Variants in PIK3R5 observed in about 807,000 individuals in gnomAD.
PIK3R5 encodes phosphoinositide 3-kinase regulatory subunit 5.
PIK3R5 carries 32 observed loss-of-function variants against 94.9 expected under a neutral mutation model. The ratio of observed to expected loss-of-function variants is 0.34; its 90% CI spans 0.25 to 0.45. The LOEUF is 0.45. PIK3R5 is among the 20% of genes least tolerant of loss of function. PIK3R5 has a pLI of 1.00. For synonymous variants in PIK3R5, 443 were observed against 479.4 expected (o/e 0.92, Z 0.99); for missense variants, 853 against 1,144.6 (o/e 0.75, Z 3.68).
intron 1 of PIK3R5, among the ~76,000 whole-genome samples, chr17:8,944,927 G>A (rs537204440): frequency 5.9e-5 from 9 of 152,292 alleles, no homozygotes; most frequent in Admixed American, 2.6e-4. Flanking sequence ...TGTTAGTTCC[G>A]CAATTTCCTG....
intron 1 of PIK3R5, among the ~76,000 whole-genome samples, chr17:8,924,527 C>A (rs2090829325): frequency 6.6e-6 from 1 of 152,156 alleles, no homozygotes; most frequent in Non-Finnish European, 1.5e-5. Context: ...TTGGGGTAGA[C>A]TGGTCCAATC....
intron 5 of PIK3R5, among the ~76,000 whole-genome samples, chr17:8,902,616 G>C (rs1437471321): frequency 6.6e-6 from 1 of 151,966 alleles, no homozygotes; most frequent in African/African-American, 2.4e-5. Context: ...CTCAAAGTGG[G>C]CTTGCCATAT....
chr17:8,931,004 C>T (rs919755062), intron 1 of PIK3R5, among the ~76,000 whole-genome samples: 1 of 152,104 alleles, frequency 6.6e-6, no homozygotes, highest in African/African-American at 2.4e-5. Context: ...ATTTGTTTTG[C>T]AAGATGTTAC....
chr17:8,938,346 A>G (rs563761250), intron 1 of PIK3R5, among the ~76,000 whole-genome samples: 31 of 152,312 alleles, frequency 2.0e-4, no homozygotes, highest in African/African-American at 7.5e-4. Context: ...TTCAATGTCC[A>G]TAGGTTTGGC....
rs2090026518 is a variant in PIK3R5, at chr17:8,891,622, G to A, written c.483-710C>T. 2.0e-5 allele frequency among the ~76,000 whole-genome samples: 3 copies of A among 148,200 alleles called. No homozygotes were observed. The South Asian group carries it at 6.4e-4, about 31-fold the overall frequency. On this transcript the variant is annotated intron_variant, in intron 6 of 18. Transcript: ENST00000447110. ...CTTTTTTTTTTTTTTTTGAGACGGA[G>A]TCTTGTTCTTGTCACCCAGGCTGGA...
Position 8,890,935 on chromosome 17 carries a change from A to G in PIK3R5, c.483-23T>C, listed in dbSNP as rs2090008939. ...GTGCTGGGGACACAGGGGACCGGCT[A>G]TGGCACCCAGGGGTGCGCAGCATGC... is the stretch of plus-strand genomic sequence containing the variant. On this transcript the variant is annotated intron_variant, in intron 6 of 18. Coordinates refer to ENST00000447110, the MANE Select transcript of PIK3R5 (RefSeq NM_001142633.3). This position sits in a 1 kb window ranked among gnomAD's most constrained non-coding sequence, Gnocchi z 6.1. 6.2e-7 allele frequency: 1 copy of G among 1,610,016 alleles called. No individual in the cohort carries two copies. Among genetic ancestry groups the G allele is most frequent in the Non-Finnish European group, 8.5e-7 (1 of 1,178,934 alleles).
At position 8,925,002 on chromosome 17, in the gene PIK3R5, T is replaced by C. The variant is rs1284650558; in HGVS notation, c.-13-13495A>G. On this transcript the variant is annotated intron_variant, in intron 1 of 18. Coordinates refer to ENST00000447110, the MANE Select transcript of PIK3R5 (RefSeq NM_001142633.3). This position sits in a 1 kb window ranked among gnomAD's most constrained non-coding sequence, Gnocchi z 5.1. ...CTTCTCACCAAATATACCAGATAGATAGTTAGATAGTAGATGGATAGATAG... is the reference window on the plus strand; with the variant it reads ...CTTCTCACCAAATATACCAGATAGACAGTTAGATAGTAGATGGATAGATAG... 6.6e-6 allele frequency among the ~76,000 whole-genome samples: 1 copy of C among 152,060 alleles called. No homozygotes were observed. Among genetic ancestry groups the C allele is most frequent in the Non-Finnish European group, 1.5e-5 (1 of 68,034 alleles).
In PIK3R5 at chr17:8,887,560, GGGCGTCTGGCTCCGAGGGGGTGGACA is replaced by G; in HGVS notation, c.1714_1739del (p.Cys572LeufsTer8). Reference sequence around the variant, plus strand: ...GCCTAGGGGAGTCTGTCGGGGGTGAGGGCGTCTGGCTCCGAGGGGGTGGACAGGCACCAGGGCTGGTCCCATGACTT... The same window carrying G: ...GCCTAGGGGAGTCTGTCGGGGGTGAGGGCACCAGGGCTGGTCCCATGACTT... On this transcript the variant is annotated frameshift_variant, in exon 11 of 19. Transcript: ENST00000447110. LOFTEE classifies it high-confidence loss of function. 6.2e-7 allele frequency: 1 copy of G among 1,608,398 alleles called. No homozygotes were observed. The highest frequency in any genetic ancestry group is 1.7e-5 in the Admixed American group (1 of 59,280).
At chr17:8,927,585 G>T (rs547376264) in intron 1 of PIK3R5, among the ~76,000 whole-genome samples, 11 of 152,302 alleles carry the variant, frequency 7.2e-5, no homozygotes, top group African/African-American at 2.4e-4. Flanking sequence ...TTTTACCACT[G>T]CCCAGAAGTA....
rs1344288338 is a variant in PIK3R5, at chr17:8,885,885, C to CT, written c.2128+343_2128+344insA. 2.2e-4 allele frequency among the ~76,000 whole-genome samples: 23 copies of CT among 106,760 alleles called. 1 individual carries two copies. Among genetic ancestry groups the CT allele is most frequent in the Non-Finnish European group, 2.6e-4 (14 of 53,586 alleles). The allele number at this position is 106,760 out of a possible 152,430, so 70.0% of individuals were successfully genotyped here. A position where few individuals can be genotyped will look rare whatever the true frequency, so the allele number is the denominator to read the frequency against. ...CTCCGCCTCCCCATGGCCCTGCCTC[C>CT]CGGTAACCCTGCCTCCCCAAGGCCC... On this transcript the variant is annotated intron_variant, in intron 14 of 18. Coordinates refer to ENST00000447110, the MANE Select transcript of PIK3R5 (RefSeq NM_001142633.3).
intron 12 of PIK3R5, 103 bp from the exon 13 acceptor site, chr17:8,886,708 G>A: frequency 7.6e-7 from 1 of 1,307,452 alleles, no homozygotes; most frequent in Non-Finnish European, 1.1e-6. Flanking sequence ...CATAGAGGCA[G>A]CCAGTCAGGG....
rs2090008744 is a variant in PIK3R5, at chr17:8,890,932, G to C, written c.483-20C>G. 2 of 1,610,458 alleles carry C rather than the reference G, an allele frequency of 1.2e-6. No homozygotes were observed. The highest frequency in any genetic ancestry group is 1.7e-6 in the Non-Finnish European group (2 of 1,179,060). ...ACGGTGCTGGGGACACAGGGGACCGGCTATGGCACCCAGGGGTGCGCAGCA... is the reference window on the plus strand; with the variant it reads ...ACGGTGCTGGGGACACAGGGGACCGCCTATGGCACCCAGGGGTGCGCAGCA... On this transcript the variant is annotated intron_variant, in intron 6 of 18. Coordinates refer to ENST00000447110, the MANE Select transcript of PIK3R5 (RefSeq NM_001142633.3). The surrounding 1 kb of genome is among the most constrained non-coding windows in gnomAD (Gnocchi z 6.1).
intron 1 of PIK3R5, among the ~76,000 whole-genome samples, chr17:8,965,287 G>A (rs1333731190): frequency 1.3e-5 from 2 of 152,244 alleles, no homozygotes; most frequent in Admixed American, 1.3e-4. Context: ...AGGGCGTCCT[G>A]TGTCAGAGGC....
chr17:8,884,704 T>A lies in PIK3R5; in HGVS notation c.2205+3A>T. On this transcript the variant is annotated splice_donor_region_variant and intron_variant, in intron 15 of 18. Transcript: ENST00000447110. The surrounding 1 kb of genome is among the most constrained non-coding windows in gnomAD (Gnocchi z 5.8). ...GGGGAAGGAGCCCCAGCACGGGTCT[T>A]ACCTTGCTGTAAATAATCTGTAGTG... The A allele has an allele frequency of 6.2e-7, 1 of 1,607,504 alleles. No individual in the cohort carries two copies. Among genetic ancestry groups the A allele is most frequent in the South Asian group, 1.1e-5 (1 of 90,930 alleles).
At position 8,935,144 on chromosome 17, in the gene PIK3R5, G is replaced by A. The variant is rs1024931023; in HGVS notation, c.-13-23637C>T. ...CACCCCCACCCTTTCAGCTCCCAGA[G>A]CATCTCTGCTTCCACTGTGCCTGCG... On this transcript the variant is annotated intron_variant, in intron 1 of 18. Coordinates refer to ENST00000447110, the MANE Select transcript of PIK3R5 (RefSeq NM_001142633.3). The surrounding 1 kb of genome is among the most constrained non-coding windows in gnomAD (Gnocchi z 4.5). 7.2e-5 allele frequency among the ~76,000 whole-genome samples: 11 copies of A among 152,100 alleles called. No homozygotes were observed. Among genetic ancestry groups the A allele is most frequent in the African/African-American group, 2.7e-4 (11 of 41,424 alleles).
At chr17:8,933,306 A>T (rs2091018323) in intron 1 of PIK3R5, among the ~76,000 whole-genome samples, 1 of 152,198 alleles carries the variant, frequency 6.6e-6, no homozygotes, top group African/African-American at 2.4e-5. Context: ...CATGAAAAGA[A>T]CTATAAAAAT....
chr17:8,930,489 G>A (rs554610205), intron 1 of PIK3R5, among the ~76,000 whole-genome samples: 157 of 152,268 alleles, frequency 1.0e-3, no homozygotes, highest in African/African-American at 3.7e-3. Context: ...TATTAAAACT[G>A]CTGTATGGCC....
In PIK3R5 at chr17:8,889,646, C is replaced by T. The variant is rs9890430; in HGVS notation, c.811+327G>A. Among the ~76,000 whole-genome samples the T allele has an allele frequency of 8.5e-3, 1,296 of 152,232 alleles. 27 individuals are homozygous for T. Among genetic ancestry groups the T allele is most frequent in the African/African-American group, 0.03 (1,231 of 41,514 alleles). ...GCTCCTTTGGGGCAAGATGTGGCCA[C>T]GTGACCAAGGCGGGCTCAAAGGAAC... is the stretch of plus-strand genomic sequence containing the variant. On this transcript the variant is annotated intron_variant, in intron 8 of 18. Coordinates refer to ENST00000447110, the MANE Select transcript of PIK3R5 (RefSeq NM_001142633.3). This position sits in a 1 kb window ranked among gnomAD's most constrained non-coding sequence, Gnocchi z 4.1.
intron 6 of PIK3R5, among the ~76,000 whole-genome samples, chr17:8,891,818 C>T (rs1466531455): frequency 1.3e-5 from 2 of 151,664 alleles, no homozygotes; most frequent in African/African-American, 2.4e-5. Flanking sequence ...GTTAGCCAGG[C>T]TGGTCTTGAA....
Sources: gnomAD v4.1 joint callset for allele counts (sites outside exome capture counted in the v4.1 genomes callset) on GRCh38, gnomAD v4.1.1 for gene constraint, Gnocchi (gnomAD v3.1) non-coding constraint, MANE v1.5 for transcripts, NCBI Gene and HGNC (gene_info 2026-07-23, HGNC 2026-07-21) for gene names.